The following COMMD1 variants were observed in gnomAD, a reference collection of about 807,000 sequenced individuals.
COMMD1 encodes copper metabolism domain containing 1.
A neutral mutation model predicts 17.2 loss-of-function variants in COMMD1; 10 were observed. The ratio of observed to expected loss-of-function variants is 0.58; its 90% CI spans 0.36 to 0.99. COMMD1 has a LOEUF of 0.99. Among genes scored for constraint, COMMD1 ranks in the 50% least tolerant of loss-of-function variants. The pLI, the probability that COMMD1 is intolerant of heterozygous loss-of-function variation, is 0.01. For missense variants in COMMD1, 270 were observed against 231.8 expected, an observed-to-expected ratio of 1.17 and a Z score of -1.07; for synonymous variants, 97 against 91.6, an observed-to-expected ratio of 1.06 and a Z score of -0.34.
At chr2:62,086,778 T>C (rs1247617366) in intron 2 of COMMD1, among the ~76,000 whole-genome samples, 1 of 152,130 alleles carries the variant, frequency 6.6e-6, no homozygotes, top group East Asian at 1.9e-4. Flanking sequence ...AGTTTACTTA[T>C]ACTGTTAACT....
At chr2:62,089,551 G>T (rs1179743333) in intron 2 of COMMD1, among the ~76,000 whole-genome samples, 3 of 152,132 alleles carry the variant, frequency 2.0e-5, no homozygotes, top group Non-Finnish European at 2.9e-5. Flanking sequence ...TCAAAGTGCT[G>T]GGATTACAGG....
intron 1 of COMMD1, among the ~76,000 whole-genome samples, chr2:61,975,118 CTTTT>C: frequency 0.013 from 1,013 of 80,206 alleles, 10 homozygotes; most frequent in African/African-American, 0.044. Flanking sequence ...TCATTTCTTT[CTTTT>C]TTTTTTTTTT....
chr2:61,945,133 A>G (rs778980258), intron 1 of COMMD1, among the ~76,000 whole-genome samples: 3 of 152,184 alleles, frequency 2.0e-5, no homozygotes, highest in Non-Finnish European at 4.4e-5. Flanking sequence ...AGGTGAAATT[A>G]AGACCAGCTG....
chr2:62,008,489 C>T lies in COMMD1; in HGVS notation c.462+7507C>T, dbSNP rs572853830. ...ATAAAATGCCATTTTATTTTATCAA[C>T]GTTCAGTCACCATTTTGAGATTATG... On this transcript the variant is annotated intron_variant, in intron 2 of 2. Transcript: ENST00000311832. 3.0e-4 allele frequency among the ~76,000 whole-genome samples: 45 copies of T among 152,184 alleles called. No individual in the cohort carries two copies. The East Asian group carries it at 7.0e-3, about 24-fold the overall frequency.
chr2:61,962,819 T>C (rs564423388), intron 1 of COMMD1, among the ~76,000 whole-genome samples: 14 of 152,208 alleles, frequency 9.2e-5, no homozygotes, highest in Admixed American at 5.2e-4. Context: ...TTACCCCAGG[T>C]GTCTCTTATT....
At chr2:62,090,547 AAC>A (rs1671797784) in intron 2 of COMMD1, among the ~76,000 whole-genome samples, 3 of 152,242 alleles carry the variant, frequency 2.0e-5, no homozygotes, top group African/African-American at 7.2e-5. Context: ...AGGACTTGTT[AAC>A]AGTGGACAAA....
At chr2:61,981,688 A>G (rs1671957457) in intron 1 of COMMD1, among the ~76,000 whole-genome samples, 1 of 152,154 alleles carries the variant, frequency 6.6e-6, no homozygotes, top group Admixed American at 6.5e-5. Context: ...GAAGGTAGAC[A>G]AGAGAAGAAT....
chr2:62,009,079 C>T (rs111474631), intron 2 of COMMD1, among the ~76,000 whole-genome samples: 29 of 152,052 alleles, frequency 1.9e-4, no homozygotes, highest in African/African-American at 5.8e-4. Context: ...CCACCGGGCC[C>T]GGTCTAGAAT....
chr2:62,120,707 A>G (rs13033531), intron 2 of COMMD1, among the ~76,000 whole-genome samples: 43,762 of 151,998 alleles, frequency 0.29, 6,495 homozygotes, highest in Non-Finnish European at 0.33. Context: ...TTTTCAAAAT[A>G]CAGAAAATTC....
At chr2:62,033,992 G>A (rs1243349047) in intron 2 of COMMD1, among the ~76,000 whole-genome samples, 1 of 147,994 alleles carries the variant, frequency 6.8e-6, no homozygotes, top group Non-Finnish European at 1.5e-5. Flanking sequence ...CACCTGTAGT[G>A]CCAACTACTT....
intron 1 of COMMD1, among the ~76,000 whole-genome samples, chr2:61,969,337 T>A (rs1177371010): frequency 1.3e-5 from 2 of 152,222 alleles, no homozygotes; most frequent in Non-Finnish European, 2.9e-5. Context: ...GAAGAAATTC[T>A]GATGGCATAA....
intron 1 of COMMD1, among the ~76,000 whole-genome samples, chr2:61,954,428 T>C (rs1671140566): frequency 6.6e-6 from 1 of 152,208 alleles, no homozygotes; most frequent in Admixed American, 6.5e-5. Context: ...TGTTTTGTTT[T>C]CTTTATAGCT....
At chr2:62,073,752 G>C (rs903086990) in intron 2 of COMMD1, among the ~76,000 whole-genome samples, 2 of 152,188 alleles carry the variant, frequency 1.3e-5, no homozygotes, top group Non-Finnish European at 2.9e-5. Flanking sequence ...AGGCTGGAGT[G>C]CAGTGGTGCG....
chr2:62,004,985 A>G (rs1669071123), intron 2 of COMMD1, among the ~76,000 whole-genome samples: 1 of 152,214 alleles, frequency 6.6e-6, no homozygotes, highest in African/African-American at 2.4e-5. Context: ...CCCCAGGGCA[A>G]CTAAAGTACT....
At chr2:62,132,108 C>T (rs1482685333) in intron 2 of COMMD1, among the ~76,000 whole-genome samples, 5 of 150,692 alleles carry the variant, frequency 3.3e-5, no homozygotes, top group South Asian at 2.1e-4. Context: ...AGGCTAGTCT[C>T]GAACTCCTGA....
chr2:61,910,673 C>T (rs1266216457), intron 1 of COMMD1, among the ~76,000 whole-genome samples: 1 of 152,194 alleles, frequency 6.6e-6, no homozygotes, highest in Non-Finnish European at 1.5e-5. Context: ...CAGTAAATCC[C>T]AGTTTACTGA....
chr2:61,924,931 C>T (rs1233538679), intron 1 of COMMD1, among the ~76,000 whole-genome samples: 2 of 152,158 alleles, frequency 1.3e-5, no homozygotes, highest in African/African-American at 4.8e-5. Context: ...TATCAGGCGT[C>T]CCTGAAGCAG....
chr2:62,011,732 A>G (rs893531197), intron 2 of COMMD1, among the ~76,000 whole-genome samples: 1 of 152,196 alleles, frequency 6.6e-6, no homozygotes, highest in Non-Finnish European at 1.5e-5. Context: ...AAGAAATTTT[A>G]TCAGAGATGG....
At chr2:61,913,516 T>G (rs1010581839) in intron 1 of COMMD1, among the ~76,000 whole-genome samples, 13 of 150,982 alleles carry the variant, frequency 8.6e-5, no homozygotes, top group Admixed American at 2.6e-4. Context: ...AAAAATTAGC[T>G]CTACTAAAAG....
Sources: allele counts gnomAD v4.1 joint callset (sites outside exome capture counted in the v4.1 genomes callset), GRCh38; gene constraint gnomAD v4.1.1; transcripts MANE v1.5; gene names NCBI Gene and HGNC (gene_info 2026-07-23, HGNC 2026-07-21).